ELOVL5: variants seen among roughly 807,000 people sequenced by gnomAD.
ELOVL5 encodes the protein ELOVL fatty acid elongase 5.
ELOVL5 carries 8 observed loss-of-function variants against 38.6 expected under a neutral mutation model. The ratio of observed to expected loss-of-function variants is 0.21; its 90% CI spans 0.12 to 0.37. The LOEUF is 0.37. Ranked by LOEUF, ELOVL5 falls within the 10% of genes least tolerant of loss-of-function variation. The pLI is 1.00. For missense variants in ELOVL5, 280 were observed against 367.8 expected (o/e 0.76, Z 1.95); for synonymous variants, 127 against 133.7 (o/e 0.95, Z 0.34).
chr6:53,340,262 A>G (rs1769272093), intron 1 of ELOVL5, among the ~76,000 whole-genome samples: 1 of 152,008 alleles, frequency 6.6e-6, no homozygotes, highest in African/African-American at 2.4e-5. Flanking sequence ...TATTTTTAAA[A>G]AAACTTTTAT....
intron 1 of ELOVL5, among the ~76,000 whole-genome samples, chr6:53,329,760 G>A (rs1768707971): frequency 6.6e-6 from 1 of 152,128 alleles, no homozygotes; most frequent in Admixed American, 6.5e-5. Flanking sequence ...GAAGGCAGAG[G>A]TTGCAGTGAG....
chr6:53,309,701 A>G (rs1767747823), intron 1 of ELOVL5, among the ~76,000 whole-genome samples: 1 of 152,180 alleles, frequency 6.6e-6, no homozygotes, highest in Non-Finnish European at 1.5e-5. Context: ...TATCTTGGTC[A>G]GCTGGCATGT....
At chr6:53,312,773 T>C (rs537460459) in intron 1 of ELOVL5, among the ~76,000 whole-genome samples, 12 of 152,308 alleles carry the variant, frequency 7.9e-5, no homozygotes, top group African/African-American at 2.9e-4. Context: ...AAAAACAAAC[T>C]AGGCTGAGCA....
chr6:53,320,158 T>TA (rs897845927), intron 1 of ELOVL5, among the ~76,000 whole-genome samples: 5 of 150,754 alleles, frequency 3.3e-5, no homozygotes, highest in African/African-American at 4.9e-5. Context: ...CTACTAAAAA[T>TA]AAAAAAAAAT....
At chr6:53,272,502 T>C (rs1324986950) in intron 6 of ELOVL5, among the ~76,000 whole-genome samples, 1 of 152,188 alleles carries the variant, frequency 6.6e-6, no homozygotes, top group African/African-American at 2.4e-5. Context: ...TTAGTATGAG[T>C]ACCCAACATG....
chr6:53,285,928 TCTA>T lies in ELOVL5; in HGVS notation c.246+5845_246+5847del, dbSNP rs557768904. ...GCCAGCATTTTTAAATTTAGGTATG[TCTA>T]CTGTTTTTTTTTAAGATTTAATGCG... On this transcript the variant is annotated intron_variant, in intron 3 of 7. Transcript: ENST00000304434. Among the ~76,000 whole-genome samples, 483 of 152,272 alleles carry T rather than the reference TCTA, an allele frequency of 3.2e-3. 2 individuals are homozygous for T. The highest frequency in any genetic ancestry group is 0.02 in the Middle Eastern group (6 of 294).
intron 1 of ELOVL5, among the ~76,000 whole-genome samples, chr6:53,341,287 T>C (rs1454744094): frequency 1.8e-4 from 28 of 152,222 alleles, no homozygotes; most frequent in Non-Finnish European, 4.4e-5. Flanking sequence ...AGAAGCTATA[T>C]GTTGATTATA....
chr6:53,297,020 T>C (rs1442203841), intron 1 of ELOVL5, among the ~76,000 whole-genome samples: 1 of 152,206 alleles, frequency 6.6e-6, no homozygotes, highest in African/African-American at 2.4e-5. Flanking sequence ...GACGTAGAGA[T>C]AGGAGGAGCC....
intron 1 of ELOVL5, among the ~76,000 whole-genome samples, chr6:53,343,853 T>A (rs1171392716): frequency 2.0e-5 from 3 of 152,242 alleles, no homozygotes; most frequent in Admixed American, 2.0e-4. Flanking sequence ...TTAATAACTA[T>A]CATGGGAGCA....
chr6:53,276,042 T>C (rs1766102275), intron 4 of ELOVL5, 137 bp downstream of exon 4: 2 of 611,082 alleles, frequency 3.3e-6, no homozygotes, highest in South Asian at 2.2e-5. Flanking sequence ...TGTGTATATA[T>C]TGCCTTTTTT....
In ELOVL5 at chr6:53,276,300, T is replaced by C. The variant is rs200982398; in HGVS notation, c.247-44A>G. The C allele has an allele frequency of 5.5e-5, 70 of 1,261,446 alleles. No individual in the cohort carries two copies. The East Asian group carries it at 1.2e-3, about 21-fold the overall frequency. The allele number at this position is 1,261,446 out of a possible 1,614,324, so 78.1% of individuals were successfully genotyped here. ...CCAGTCACCAACAGCATCTGAGCCA[T>C]GTAAAGTCCTCATTGAACTTTATTA... On this transcript the variant is annotated intron_variant, in intron 3 of 7. Transcript: ENST00000304434.
chr6:53,322,041 C>T (rs1768322407), intron 1 of ELOVL5, among the ~76,000 whole-genome samples: 1 of 152,194 alleles, frequency 6.6e-6, no homozygotes, highest in African/African-American at 2.4e-5. Context: ...ATTTTTAAAA[C>T]CTCTAAGAAG....
chr6:53,276,336 C>G, intron 3 of ELOVL5, 80 bp from the exon 4 acceptor site: 1 of 951,374 alleles, frequency 1.1e-6, no homozygotes. Context: ...GTTGCAGAAT[C>G]TGTGATAATT....
intron 1 of ELOVL5, among the ~76,000 whole-genome samples, chr6:53,338,186 T>C (rs1483556760): frequency 6.6e-6 from 1 of 152,188 alleles, no homozygotes; most frequent in Non-Finnish European, 1.5e-5. Flanking sequence ...TGCAACTGTT[T>C]GCCTACATTT....
At chr6:53,347,848 G>C (rs1186878584) in intron 1 of ELOVL5, among the ~76,000 whole-genome samples, 3 of 152,122 alleles carry the variant, frequency 2.0e-5, no homozygotes, top group Non-Finnish European at 4.4e-5. Context: ...GCAAGAACAC[G>C]GAACGGTTGC....
At chr6:53,329,191 A>G (rs939144499) in intron 1 of ELOVL5, among the ~76,000 whole-genome samples, 17 of 133,352 alleles carry the variant, frequency 1.3e-4, no homozygotes, top group African/African-American at 5.2e-4. Flanking sequence ...AACTACTACT[A>G]CTACTACTGC....
At chr6:53,329,967 A>G (rs1213594222) in intron 1 of ELOVL5, among the ~76,000 whole-genome samples, 3 of 152,230 alleles carry the variant, frequency 2.0e-5, no homozygotes, top group Non-Finnish European at 4.4e-5. Context: ...TTAGCTTCTT[A>G]TCTTAATGGC....
intron 2 of ELOVL5, 76 bp downstream of exon 2, chr6:53,295,566 C>T: frequency 2.2e-6 from 2 of 925,970 alleles, no homozygotes; most frequent in East Asian, 2.6e-5. Context: ...CTACTATCTC[C>T]TCATGCAATA....
intron 3 of ELOVL5, among the ~76,000 whole-genome samples, chr6:53,285,436 A>G (rs1201873943): frequency 6.6e-6 from 1 of 152,208 alleles, no homozygotes; most frequent in Non-Finnish European, 1.5e-5. Flanking sequence ...GATAGCTCAT[A>G]AGGTTTAAGG....
Sources: allele counts gnomAD v4.1 joint callset (sites outside exome capture counted in the v4.1 genomes callset), GRCh38; gene constraint gnomAD v4.1.1; transcripts MANE v1.5; gene names NCBI Gene and HGNC (gene_info 2026-07-23, HGNC 2026-07-21).